PAK5: variants seen among roughly 807,000 people sequenced by gnomAD.
The protein encoded by PAK5 is p21 (RAC1) activated kinase 5.
A neutral mutation model predicts 65.9 loss-of-function variants in PAK5; 16 were observed. The ratio of observed to expected loss-of-function variants is 0.24; its 90% CI spans 0.16 to 0.37. The LOEUF (loss-of-function observed/expected upper bound fraction) is 0.37, where lower values mean the gene tolerates loss of function less well. Among genes scored for constraint, PAK5 ranks in the 10% least tolerant of loss-of-function variants. The pLI is 1.00. For synonymous variants in PAK5, 371 were observed against 354.9 expected (o/e 1.05, Z -0.51); for missense variants, 785 against 903.9 (o/e 0.87, Z 1.69).
intron 1 of PAK5, among the ~76,000 whole-genome samples, chr20:9,789,763 A>T (rs1447316688): frequency 6.6e-6 from 1 of 152,146 alleles, no homozygotes; most frequent in Non-Finnish European, 1.5e-5. Context: ...TTCTAGGAGA[A>T]GCTGAAATAA....
chr20:9,775,210 G>T (rs1217141880), intron 1 of PAK5, among the ~76,000 whole-genome samples: 1 of 152,042 alleles, frequency 6.6e-6, no homozygotes, highest in African/African-American at 2.4e-5. Context: ...GTGTCATAGG[G>T]CTATAAAATT....
intron 1 of PAK5, among the ~76,000 whole-genome samples, chr20:9,796,648 G>A (rs1464884944): frequency 6.6e-6 from 1 of 152,092 alleles, no homozygotes; most frequent in Non-Finnish European, 1.5e-5. Flanking sequence ...ATTGAAGAAA[G>A]GCCAGCAAGG....
At chr20:9,806,016 G>A (rs1279166085) in intron 1 of PAK5, among the ~76,000 whole-genome samples, 1 of 152,162 alleles carries the variant, frequency 6.6e-6, no homozygotes, top group Non-Finnish European at 1.5e-5. Context: ...CTAGGCTGGA[G>A]TGCAGTGGCA....
At chr20:9,665,085 G>GTTTTTTTGTTT (rs1555910639) in intron 2 of PAK5, among the ~76,000 whole-genome samples, 1 of 98,920 alleles carries the variant, frequency 1.0e-5, no homozygotes, top group African/African-American at 4.1e-5. Context: ...AAATTTTTCT[G>GTTTTTTTGTTT]TTTTTTTTTT....
At position 9,819,223 on chromosome 20, in the gene PAK5, C is replaced by T. The variant is rs561260262; in HGVS notation, c.-162+19539G>A. Among the ~76,000 whole-genome samples the T allele has an allele frequency of 1.2e-4, 19 of 152,240 alleles. 1 individual carries two copies. The East Asian group carries it at 3.7e-3, about 29-fold the overall frequency. On this transcript the variant is annotated intron_variant, in intron 1 of 9. Coordinates refer to ENST00000353224, the MANE Select transcript of PAK5 (RefSeq NM_177990.4). ...CCCATTAAGTAAGGTTCTGAATATGCAAATGATTTTTCATTTTAATTTCAG... is the reference window on the plus strand; with the variant it reads ...CCCATTAAGTAAGGTTCTGAATATGTAAATGATTTTTCATTTTAATTTCAG...
At chr20:9,686,703 T>C (rs1345237993) in intron 2 of PAK5, among the ~76,000 whole-genome samples, 1 of 152,194 alleles carries the variant, frequency 6.6e-6, no homozygotes, top group Non-Finnish European at 1.5e-5. Flanking sequence ...TTTGCTTCCA[T>C]ACCTCTGCAG....
rs1019258382 is a variant in PAK5 at position 9,788,840 on chromosome 20, C to A, written c.-162+49922G>T. On this transcript the variant is annotated intron_variant, in intron 1 of 9. Transcript: ENST00000353224. ...AGAAGCAGAGAGACTAGTATTTAAA[C>A]CCAGGGGGGTAAAACTTACCTTGAG... Among the ~76,000 whole-genome samples the A allele has an allele frequency of 3.3e-5, 5 of 152,206 alleles. No individual in the cohort carries two copies. In the South Asian group the frequency reaches 8.3e-4, roughly 25 times the overall value.
At chr20:9,673,871 T>C (rs2047533480) in intron 2 of PAK5, among the ~76,000 whole-genome samples, 1 of 152,158 alleles carries the variant, frequency 6.6e-6, no homozygotes, top group Admixed American at 6.6e-5. Flanking sequence ...CCAGCACTCC[T>C]GGGAGGGCCA....
At chr20:9,819,919 G>C (rs1048347931) in intron 1 of PAK5, among the ~76,000 whole-genome samples, 1 of 152,146 alleles carries the variant, frequency 6.6e-6, no homozygotes, top group Admixed American at 6.5e-5. Flanking sequence ...GCTGTAGGGG[G>C]GCTGTCCATG....
At chr20:9,585,623 T>A (rs2046055993) in intron 3 of PAK5, among the ~76,000 whole-genome samples, 1 of 152,216 alleles carries the variant, frequency 6.6e-6, no homozygotes, top group South Asian at 2.1e-4. Flanking sequence ...GTGATTTAAT[T>A]TCATTCTTTA....
At chr20:9,770,726 G>C (rs1374688243) in intron 1 of PAK5, among the ~76,000 whole-genome samples, 1 of 152,096 alleles carries the variant, frequency 6.6e-6, no homozygotes, top group Non-Finnish European at 1.5e-5. Flanking sequence ...TGAAGAGAGT[G>C]AGAGACAACA....
intron 2 of PAK5, among the ~76,000 whole-genome samples, chr20:9,693,149 T>C (rs1355774425): frequency 6.6e-6 from 1 of 152,064 alleles, no homozygotes; most frequent in African/African-American, 2.4e-5. Context: ...GGCAAATAAG[T>C]CATTTATGAT....
chr20:9,775,902 TTAAATC>T (rs1165447832), intron 1 of PAK5, among the ~76,000 whole-genome samples: 1 of 152,208 alleles, frequency 6.6e-6, no homozygotes, highest in Admixed American at 6.5e-5. Flanking sequence ...AAAAAATTCT[TTAAATC>T]TAAGATAAAT....
intron 2 of PAK5, among the ~76,000 whole-genome samples, chr20:9,701,808 G>C (rs1416644444): frequency 1.3e-5 from 2 of 151,902 alleles, no homozygotes; most frequent in Non-Finnish European, 1.5e-5. Flanking sequence ...AGAGCAGCCA[G>C]GGCAACATAG....
At chr20:9,807,346 C>T (rs1036058227) in intron 1 of PAK5, among the ~76,000 whole-genome samples, 9 of 151,992 alleles carry the variant, frequency 5.9e-5, no homozygotes, top group African/African-American at 2.2e-4. Flanking sequence ...CAGCTGGTGC[C>T]CCACATTTAA....
chr20:9,612,775 C>T (rs2046587379), intron 3 of PAK5, among the ~76,000 whole-genome samples: 1 of 152,152 alleles, frequency 6.6e-6, no homozygotes, highest in Non-Finnish European at 1.5e-5. Context: ...CCATTCTCAT[C>T]TTTGCTGAAA....
intron 1 of PAK5, among the ~76,000 whole-genome samples, chr20:9,730,027 G>C (rs938421267): frequency 8.6e-6 from 1 of 116,732 alleles, no homozygotes; most frequent in African/African-American, 3.1e-5. Flanking sequence ...GAGAGAGAGA[G>C]AGAGAATTGT....
At chr20:9,671,612 G>A (rs1271580438) in intron 2 of PAK5, among the ~76,000 whole-genome samples, 1 of 149,836 alleles carries the variant, frequency 6.7e-6, no homozygotes, top group South Asian at 2.3e-4. Flanking sequence ...TGTGATTTTT[G>A]TACATTGATT....
At chr20:9,555,827 C>T (rs1482907863) in intron 7 of PAK5, among the ~76,000 whole-genome samples, 2 of 152,170 alleles carry the variant, frequency 1.3e-5, no homozygotes. Context: ...CTTTGGTGCT[C>T]TTGGGAACTT....
Sources: allele counts gnomAD v4.1 joint callset (sites outside exome capture counted in the v4.1 genomes callset), GRCh38; gene constraint gnomAD v4.1.1; transcripts MANE v1.5; gene names NCBI Gene and HGNC (gene_info 2026-07-23, HGNC 2026-07-21).